The following KAZN variants were observed in gnomAD, a reference collection of about 807,000 sequenced individuals.
KAZN encodes the protein kazrin.
In KAZN, 40 loss-of-function variants were observed where a neutral mutation model predicts 87.4. The ratio of observed to expected loss-of-function variants is 0.46; its 90% CI spans 0.36 to 0.60. The LOEUF (loss-of-function observed/expected upper bound fraction) is 0.60, where lower values mean the gene tolerates loss of function less well. Among genes scored for constraint, KAZN ranks in the 20% least tolerant of loss-of-function variants. KAZN has a pLI of 0.00. For synonymous variants in KAZN, 466 were observed against 458.3 expected, an observed-to-expected ratio of 1.02 and a Z score of -0.22; for missense variants, 898 against 1,073.9, an observed-to-expected ratio of 0.84 and a Z score of 2.29.
At chr1:14,293,863 G>C (rs1024289382) in intron 2 of KAZN, among the ~76,000 whole-genome samples, 1 of 152,072 alleles carries the variant, frequency 6.6e-6, no homozygotes, top group African/African-American at 2.4e-5. Flanking sequence ...CTTTGGGAAG[G>C]CTCTGAGGGG....
chr1:14,721,534 C>T (rs565185980), intron 1 of KAZN, among the ~76,000 whole-genome samples: 2 of 152,316 alleles, frequency 1.3e-5, no homozygotes, highest in South Asian at 2.1e-4. Flanking sequence ...AGACAAGAAC[C>T]TTGAAGGCAG....
chr1:13,955,789 C>G, intron 1 of KAZN, among the ~76,000 whole-genome samples: 1 of 152,198 alleles, frequency 6.6e-6, no homozygotes. Context: ...ACTATGTGAA[C>G]ATGACCTTCC....
chr1:14,858,908 T>A (rs375484199), intron 1 of KAZN, among the ~76,000 whole-genome samples: 1 of 152,118 alleles, frequency 6.6e-6, no homozygotes, highest in Non-Finnish European at 1.5e-5. Context: ...GAGATAAAAT[T>A]TCTCATCTTC....
chr1:14,866,657 G>A (rs113240523), intron 1 of KAZN, among the ~76,000 whole-genome samples: 2,961 of 152,284 alleles, frequency 0.019, 97 homozygotes, highest in African/African-American at 0.067. Context: ...AGCCCAGGAG[G>A]TTGAGGCTGC....
intron 1 of KAZN, among the ~76,000 whole-genome samples, chr1:14,893,694 C>T (rs1654966281): frequency 6.6e-6 from 1 of 152,148 alleles, no homozygotes; most frequent in South Asian, 2.1e-4. Flanking sequence ...GACCCTGAGG[C>T]CAGAAAGCCA....
At chr1:14,629,308 CT>C (rs1407054718) in intron 1 of KAZN, among the ~76,000 whole-genome samples, 2 of 152,184 alleles carry the variant, frequency 1.3e-5, no homozygotes, top group African/African-American at 4.8e-5. Flanking sequence ...CTCCAAGAGC[CT>C]TTTGTGAACA....
intron 1 of KAZN, among the ~76,000 whole-genome samples, chr1:13,983,306 C>A (rs1638837639): frequency 6.6e-6 from 1 of 152,244 alleles, no homozygotes; most frequent in African/African-American, 2.4e-5. Context: ...GAGCCCTGCC[C>A]CACGGGAAGG....
At chr1:14,953,230 C>T (rs148203219) in intron 1 of KAZN, among the ~76,000 whole-genome samples, 111 of 152,344 alleles carry the variant, frequency 7.3e-4, no homozygotes, top group Middle Eastern at 3.4e-3. Context: ...AACCACCATG[C>T]GCTGAGTGGC....
intron 1 of KAZN, among the ~76,000 whole-genome samples, chr1:14,713,789 A>AG (rs1557909222): frequency 1.3e-5 from 1 of 74,752 alleles, no homozygotes; most frequent in African/African-American, 4.6e-5. Context: ...AAAAAAAAAA[A>AG]AAAAAAAAAA....
intron 1 of KAZN, among the ~76,000 whole-genome samples, chr1:14,651,445 T>G (rs1194621616): frequency 3.3e-5 from 5 of 152,138 alleles, no homozygotes; most frequent in Non-Finnish European, 5.9e-5. Flanking sequence ...AGAGGAATAG[T>G]GGATAATATG....
At chr1:14,766,884 T>A (rs999455985) in intron 1 of KAZN, among the ~76,000 whole-genome samples, 1 of 151,822 alleles carries the variant, frequency 6.6e-6, no homozygotes, top group Admixed American at 6.6e-5. Flanking sequence ...CAGTAAACAT[T>A]CAGTGCCCTT....
At chr1:14,474,390 G>T (rs901348727) in intron 2 of KAZN, among the ~76,000 whole-genome samples, 6 of 152,188 alleles carry the variant, frequency 3.9e-5, no homozygotes, top group African/African-American at 1.4e-4. Flanking sequence ...AAGCACTTCT[G>T]ATTAGGTGAT....
At chr1:14,025,112 C>T (rs764224960) in intron 1 of KAZN, among the ~76,000 whole-genome samples, 4 of 152,202 alleles carry the variant, frequency 2.6e-5, no homozygotes, top group Non-Finnish European at 5.9e-5. Flanking sequence ...CCAAACAGAA[C>T]AGGTCACTGG....
intron 1 of KAZN, among the ~76,000 whole-genome samples, chr1:14,746,004 A>G (rs970511704): frequency 1.3e-5 from 2 of 152,174 alleles, no homozygotes; most frequent in African/African-American, 4.8e-5. Flanking sequence ...ATAAAATATA[A>G]CAGAAGCTGG....
chr1:14,775,803 G>C (rs1248251242), intron 1 of KAZN, among the ~76,000 whole-genome samples: 2 of 152,184 alleles, frequency 1.3e-5, no homozygotes, highest in African/African-American at 4.8e-5. Flanking sequence ...GGCTGCAAAA[G>C]CTCAAGTGTC....
rs1253831113 is a variant in KAZN, at chr1:15,081,231, G to A, written c.1223-12949G>A. 6.6e-6 allele frequency among the ~76,000 whole-genome samples: 1 copy of A among 152,244 alleles called. No individual in the cohort carries two copies. Among genetic ancestry groups the A allele is most frequent in the African/African-American group, 2.4e-5 (1 of 41,470 alleles). ...TGCTGGGCCAGGGCTGGCTCACACA[G>A]GCCCACGGATGGCTCTCTTCCCAAC... is the stretch of plus-strand genomic sequence containing the variant. On this transcript the variant is annotated intron_variant, in intron 8 of 14. Transcript: ENST00000376030. This position sits in a 1 kb window ranked among gnomAD's most constrained non-coding sequence, Gnocchi z 4.1.
At chr1:14,992,474 T>C (rs1667448988) in intron 2 of KAZN, among the ~76,000 whole-genome samples, 1 of 152,056 alleles carries the variant, frequency 6.6e-6, no homozygotes, top group South Asian at 2.1e-4. Flanking sequence ...GGGGTCCAAA[T>C]TGAAAGAGCA....
chr1:13,916,634 A>G (rs898933280), intron 1 of KAZN, among the ~76,000 whole-genome samples: 3 of 152,188 alleles, frequency 2.0e-5, no homozygotes, highest in Admixed American at 1.3e-4. Flanking sequence ...AAATTACAAC[A>G]CAGAGCATGT....
chr1:14,879,057 C>T (rs1029976102), intron 1 of KAZN, among the ~76,000 whole-genome samples: 5 of 152,184 alleles, frequency 3.3e-5, no homozygotes, highest in Non-Finnish European at 7.3e-5. Flanking sequence ...TAAATCCCTG[C>T]TCGTATCTGC....
Sources: allele counts gnomAD v4.1 joint callset (sites outside exome capture counted in the v4.1 genomes callset), GRCh38; gene constraint gnomAD v4.1.1; non-coding constraint Gnocchi (gnomAD v3.1); transcripts MANE v1.5; gene names NCBI Gene and HGNC (gene_info 2026-07-23, HGNC 2026-07-21).